EYS: variants seen among roughly 807,000 people sequenced by gnomAD.
The protein encoded by EYS is protein eyes shut homolog.
A neutral mutation model predicts 282.1 loss-of-function variants in EYS; 250 were observed. The observed-to-expected ratio is 0.89, with a 90% CI of 0.80 to 0.98. EYS has a LOEUF of 0.98. EYS is among the 50% of genes least tolerant of loss of function. The pLI is 0.00. For synonymous variants in EYS, 1,355 were observed against 1,282.9 expected (o/e 1.06, Z -1.20); for missense variants, 4,016 against 3,709.0 (o/e 1.08, Z -2.15).
intron 41 of EYS, among the ~76,000 whole-genome samples, chr6:63,750,528 T>A (rs575769498): frequency 6.6e-6 from 1 of 152,328 alleles, no homozygotes; most frequent in African/African-American, 2.4e-5. Context: ...CAGTGGCTTC[T>A]GAATTCTGGT....
rs564717656 is a variant in EYS, at chr6:65,168,523, T to C, written c.2024-110796A>G. ...ATCAAATGACAGAAGAGGCAAGCTA[T>C]CTCTCTTGGGTCTGTTTTGTAAGGA... On this transcript the variant is annotated intron_variant, in intron 12 of 42. Transcript: ENST00000503581. 6.6e-4 allele frequency among the ~76,000 whole-genome samples: 100 copies of C among 151,228 alleles called. 1 individual carries two copies. Among genetic ancestry groups the C allele is most frequent in the Non-Finnish European group, 1.2e-3 (80 of 67,456 alleles).
chr6:65,544,910 C>A (rs1768324639), intron 2 of EYS, among the ~76,000 whole-genome samples: 2 of 151,884 alleles, frequency 1.3e-5, no homozygotes. Flanking sequence ...CAAAAATCTT[C>A]TTTATAAAAT....
At chr6:65,217,140 T>C (rs967403244) in intron 12 of EYS, among the ~76,000 whole-genome samples, 4 of 152,030 alleles carry the variant, frequency 2.6e-5, no homozygotes, top group Admixed American at 2.0e-4. Context: ...TACTAAATGA[T>C]CTGGTGGTTA....
chr6:64,278,564 A>G (rs1768195509), intron 30 of EYS, among the ~76,000 whole-genome samples: 1 of 152,192 alleles, frequency 6.6e-6, no homozygotes, highest in Non-Finnish European at 1.5e-5. Context: ...AACCCTAAAA[A>G]CACACTACTA....
chr6:64,934,250 G>C (rs893374048), intron 15 of EYS, among the ~76,000 whole-genome samples: 39 of 151,846 alleles, frequency 2.6e-4, no homozygotes, highest in Admixed American at 1.8e-3. Flanking sequence ...TAAGATAATT[G>C]TGTCTGAGGA....
chr6:64,954,646 A>G (rs2024834), intron 14 of EYS, among the ~76,000 whole-genome samples: 10,225 of 152,186 alleles, frequency 0.067, 437 homozygotes, highest in East Asian at 0.13. Context: ...TAAGTTTTGA[A>G]CCACAAGTAC....
chr6:65,075,454 A>C (rs1206953158), intron 12 of EYS, among the ~76,000 whole-genome samples: 1 of 152,024 alleles, frequency 6.6e-6, no homozygotes, highest in Admixed American at 6.6e-5. Context: ...ATAACAATAT[A>C]GTTGCTAATT....
intron 40 of EYS, among the ~76,000 whole-genome samples, chr6:63,766,178 A>G (rs924921933): frequency 2.8e-4 from 42 of 152,090 alleles, no homozygotes; most frequent in Admixed American, 2.6e-3. Flanking sequence ...TGTTGCAATA[A>G]CCGAACTCTG....
intron 27 of EYS, among the ~76,000 whole-genome samples, chr6:64,438,282 C>T (rs528988307): frequency 7.2e-5 from 11 of 151,844 alleles, no homozygotes; most frequent in African/African-American, 2.6e-4. Flanking sequence ...TTTGTTAACT[C>T]AGTTGTGTCT....
At chr6:64,247,704 C>G (rs1010535051) in intron 30 of EYS, among the ~76,000 whole-genome samples, 1 of 151,944 alleles carries the variant, frequency 6.6e-6, no homozygotes, top group Non-Finnish European at 1.5e-5. Flanking sequence ...CCGTACTGCT[C>G]TAAATGCTGC....
chr6:64,250,748 T>G (rs1767183524), intron 30 of EYS, among the ~76,000 whole-genome samples: 1 of 152,210 alleles, frequency 6.6e-6, no homozygotes, highest in Non-Finnish European at 1.5e-5. Context: ...CTTAAAATTC[T>G]GTTGTATTAG....
At chr6:65,140,117 C>T (rs1209930815) in intron 12 of EYS, among the ~76,000 whole-genome samples, 1 of 151,706 alleles carries the variant, frequency 6.6e-6, no homozygotes, top group Non-Finnish European at 1.5e-5. Flanking sequence ...TATAAAAATC[C>T]TTCAACGAGC....
At chr6:64,538,038 A>C (rs1764581745) in intron 26 of EYS, among the ~76,000 whole-genome samples, 1 of 151,964 alleles carries the variant, frequency 6.6e-6, no homozygotes, top group African/African-American at 2.4e-5. Flanking sequence ...GTCATGATTA[A>C]ACAAGCTACT....
chr6:64,944,548 G>T (rs547869838), intron 15 of EYS, among the ~76,000 whole-genome samples: 2 of 152,018 alleles, frequency 1.3e-5, no homozygotes, highest in Non-Finnish European at 2.9e-5. Flanking sequence ...CCTTGAAAGC[G>T]GGGTATTGTC....
At chr6:65,618,985 G>A (rs1169293973) in intron 2 of EYS, among the ~76,000 whole-genome samples, 9 of 152,134 alleles carry the variant, frequency 5.9e-5, no homozygotes. Flanking sequence ...GTCAGGTAGT[G>A]TGATGCCTCC....
chr6:63,852,352 C>T (rs568868453), intron 36 of EYS, among the ~76,000 whole-genome samples: 2 of 151,964 alleles, frequency 1.3e-5, no homozygotes, highest in African/African-American at 2.4e-5. Context: ...CTATGAACAC[C>T]TCTATGCAAA....
At chr6:65,117,985 T>C (rs1161376105) in intron 12 of EYS, among the ~76,000 whole-genome samples, 1 of 152,118 alleles carries the variant, frequency 6.6e-6, no homozygotes, top group East Asian at 1.9e-4. Flanking sequence ...ACCAGATACT[T>C]ACAGACAATA....
At chr6:63,878,243 T>TC (rs1773032030) in intron 35 of EYS, among the ~76,000 whole-genome samples, 1 of 152,196 alleles carries the variant, frequency 6.6e-6, no homozygotes, top group African/African-American at 2.4e-5. Flanking sequence ...GGAGGTCCAC[T>TC]CCAGACCCTG....
At chr6:65,010,123 C>A (rs1771819904) in intron 13 of EYS, among the ~76,000 whole-genome samples, 1 of 152,150 alleles carries the variant, frequency 6.6e-6, no homozygotes, top group Non-Finnish European at 1.5e-5. Flanking sequence ...CTTTATATGT[C>A]ACAGAAAAGA....
Sources: gnomAD v4.1 joint callset for allele counts (sites outside exome capture counted in the v4.1 genomes callset) on GRCh38, gnomAD v4.1.1 for gene constraint, MANE v1.5 for transcripts, NCBI Gene and HGNC (gene_info 2026-07-23, HGNC 2026-07-21) for gene names.